The following GRIP1 variants were observed in gnomAD, a reference collection of about 807,000 sequenced individuals.
GRIP1 encodes the protein glutamate receptor-interacting protein 1.
A neutral mutation model predicts 129.9 loss-of-function variants in GRIP1; 45 were observed. The observed-to-expected ratio is 0.35, with a 90% confidence interval of 0.27 to 0.44. GRIP1 has a LOEUF of 0.44. GRIP1 is among the 20% of genes least tolerant of loss of function. The pLI is 1.00. For missense variants in GRIP1, 1,196 were observed against 1,396.8 expected (o/e 0.86, Z 2.29); for synonymous variants, 530 against 520.8 (o/e 1.02, Z -0.24).
At chr12:66,814,428 C>A (rs2039165364) in intron 1 of GRIP1, among the ~76,000 whole-genome samples, 1 of 151,696 alleles carries the variant, frequency 6.6e-6, no homozygotes, top group Non-Finnish European at 1.5e-5. Context: ...CTTATGAAAC[C>A]TTGTAATTAT....
intron 1 of GRIP1, among the ~76,000 whole-genome samples, chr12:66,865,190 C>G (rs1346600429): frequency 6.6e-6 from 1 of 152,062 alleles, no homozygotes; most frequent in Non-Finnish European, 1.5e-5. Flanking sequence ...GACCATTGCT[C>G]TAAAATCCAA....
rs1326045643 is a variant in GRIP1, at chr12:67,056,453, G to T, written c.58+12597C>A. Among the ~76,000 whole-genome samples the T allele has an allele frequency of 2.0e-5, 3 of 152,170 alleles. No homozygotes were observed. In the South Asian group the frequency reaches 6.2e-4, roughly 32 times the overall value. Reference sequence around the variant, plus strand: ...TGAACTGGCTTCCTCACAGCATTGTGGCTTCAGTGTAGTTGAAAGTATGGT... The same window carrying T: ...TGAACTGGCTTCCTCACAGCATTGTTGCTTCAGTGTAGTTGAAAGTATGGT... On this transcript the variant is annotated intron_variant, in intron 1 of 1. Transcript: ENST00000643019.
At chr12:66,448,389 C>G (rs1241529536) in intron 11 of GRIP1, among the ~76,000 whole-genome samples, 1 of 152,162 alleles carries the variant, frequency 6.6e-6, no homozygotes. Flanking sequence ...CCTCTTTTCC[C>G]TTATTAATTT....
In GRIP1 at chr12:66,566,743, C is replaced by T. The variant is rs576569201; in HGVS notation, c.137-24793G>A. Among the ~76,000 whole-genome samples, 292 of 152,054 alleles carry T rather than the reference C, an allele frequency of 1.9e-3. 2 individuals carry two copies. The highest frequency in any genetic ancestry group is 6.6e-3 in the African/African-American group (273 of 41,490). ...CCCTGGTAAAATTCGGCTGTGAATC[C>T]GTCTTCCAAAAAAAATCCAGGACTT... On this transcript the variant is annotated intron_variant, in intron 2 of 24. Transcript: ENST00000359742.
intron 1 of GRIP1, among the ~76,000 whole-genome samples, chr12:66,938,770 AAC>A (rs2041532141): frequency 2.0e-5 from 3 of 152,144 alleles, no homozygotes; most frequent in Admixed American, 2.0e-4. Flanking sequence ...CATCCTGGCC[AAC>A]ATGGTGAAAC....
chr12:66,666,539 T>C (rs1358847688), intron 1 of GRIP1, among the ~76,000 whole-genome samples: 1 of 152,202 alleles, frequency 6.6e-6, no homozygotes, highest in African/African-American at 2.4e-5. Flanking sequence ...TTTGTCATTA[T>C]TAAGAAATCC....
intron 1 of GRIP1, among the ~76,000 whole-genome samples, chr12:66,956,777 C>A (rs2041848100): frequency 6.6e-6 from 1 of 152,160 alleles, no homozygotes; most frequent in Non-Finnish European, 1.5e-5. Context: ...ATGTTTGTCA[C>A]TACTACTGGG....
chr12:66,433,739 C>T (rs931133781), intron 13 of GRIP1, among the ~76,000 whole-genome samples: 1 of 152,088 alleles, frequency 6.6e-6, no homozygotes, highest in East Asian at 1.9e-4. Flanking sequence ...GACTATAATC[C>T]TTTCTGATGG....
chr12:66,946,190 T>C (rs538359313), intron 1 of GRIP1, among the ~76,000 whole-genome samples: 1 of 152,328 alleles, frequency 6.6e-6, no homozygotes, highest in African/African-American at 2.4e-5. Context: ...CACTATTTGC[T>C]TGCTCTTCTT....
At chr12:66,361,983 C>G (rs1369279835) in intron 23 of GRIP1, among the ~76,000 whole-genome samples, 1 of 151,972 alleles carries the variant, frequency 6.6e-6, no homozygotes, top group Non-Finnish European at 1.5e-5. Flanking sequence ...AACCAAACTC[C>G]CACTGCACTC....
At chr12:66,694,509 A>C (rs2035086935) in intron 1 of GRIP1, among the ~76,000 whole-genome samples, 1 of 152,144 alleles carries the variant, frequency 6.6e-6, no homozygotes, top group African/African-American at 2.4e-5. Flanking sequence ...AGCTCACAGT[A>C]AATGCTCAGT....
intron 19 of GRIP1, among the ~76,000 whole-genome samples, chr12:66,383,170 G>T (rs1456365161): frequency 6.6e-6 from 1 of 152,010 alleles, no homozygotes; most frequent in Non-Finnish European, 1.5e-5. Context: ...TGTGATGCAT[G>T]CCTGTTGTTT....
At chr12:66,512,901 T>C (rs187632439) in intron 7 of GRIP1, among the ~76,000 whole-genome samples, 9 of 152,272 alleles carry the variant, frequency 5.9e-5, no homozygotes, top group Non-Finnish European at 4.4e-5. Context: ...GAAATATATT[T>C]AACACATTGT....
chr12:66,399,211 G>A (rs1197292497), intron 16 of GRIP1, among the ~76,000 whole-genome samples: 1 of 151,910 alleles, frequency 6.6e-6, no homozygotes, highest in African/African-American at 2.4e-5. Context: ...TCCCTCCACC[G>A]TGCCAGGAGC....
chr12:66,603,628 G>A (rs1335548931), intron 1 of GRIP1, among the ~76,000 whole-genome samples: 1 of 152,234 alleles, frequency 6.6e-6, no homozygotes, highest in Non-Finnish European at 1.5e-5. Context: ...GTCTCACTTG[G>A]TTGCATCAGA....
chr12:66,835,160 A>C (rs2039590966), intron 1 of GRIP1, among the ~76,000 whole-genome samples: 1 of 152,144 alleles, frequency 6.6e-6, no homozygotes, highest in Non-Finnish European at 1.5e-5. Context: ...CCAAATAAAC[A>C]AACAAACAAA....
intron 1 of GRIP1, among the ~76,000 whole-genome samples, chr12:66,889,801 C>G (rs17103061): frequency 0.025 from 3,820 of 152,292 alleles, 76 homozygotes; most frequent in Middle Eastern, 0.058. Flanking sequence ...AGCTACATTT[C>G]TAATAGTAAT....
intron 1 of GRIP1, among the ~76,000 whole-genome samples, chr12:66,892,228 A>T (rs897133060): frequency 6.6e-6 from 1 of 152,106 alleles, no homozygotes; most frequent in Non-Finnish European, 1.5e-5. Flanking sequence ...CCTGGAAGGG[A>T]CAGGTAGGAA....
chr12:67,032,923 CA>C (rs762362990), intron 1 of GRIP1, among the ~76,000 whole-genome samples: 7 of 151,778 alleles, frequency 4.6e-5, no homozygotes, highest in Non-Finnish European at 8.8e-5. Context: ...AACAGGTAAC[CA>C]ATATAAAAAT....
Sources: gnomAD v4.1 joint callset for allele counts (sites outside exome capture counted in the v4.1 genomes callset) on GRCh38, gnomAD v4.1.1 for gene constraint, MANE v1.5 for transcripts, NCBI Gene and HGNC (gene_info 2026-07-23, HGNC 2026-07-21) for gene names.